The following LAMA2 variants were observed in gnomAD, a reference collection of about 807,000 sequenced individuals.
LAMA2 encodes laminin subunit alpha-2.
Under a neutral mutation model 364.8 loss-of-function variants are expected in LAMA2, and 269 were observed. That is an observed-to-expected ratio of 0.74 (90% CI 0.67 to 0.82). The LOEUF (loss-of-function observed/expected upper bound fraction) is 0.82, where lower values mean the gene tolerates loss of function less well. Ranked by LOEUF, LAMA2 falls within the 40% of genes least tolerant of loss-of-function variation. The pLI, the probability that LAMA2 is intolerant of heterozygous loss-of-function variation, is 0.00. For synonymous variants in LAMA2, 1,379 were observed against 1,370.6 expected, an observed-to-expected ratio of 1.01 and a Z score of -0.14; for missense variants, 3,807 against 3,873.2, an observed-to-expected ratio of 0.98 and a Z score of 0.45.
At chr6:129,510,460 AC>A (rs1276500348) in intron 62 of LAMA2, among the ~76,000 whole-genome samples, 1 of 152,206 alleles carries the variant, frequency 6.6e-6, no homozygotes, top group African/African-American at 2.4e-5. Flanking sequence ...CAATTAATGT[AC>A]TTTAAGATAG....
rs143680577 is a variant in LAMA2 at position 129,098,213 on chromosome 6, C to A, written c.437C>A (p.Ser146Tyr). Reference protein sequence around the residue: ...IAYVIVKAANSPRPGNWILER... With the variant: ...IAYVIVKAANYPRPGNWILER... ...TATGTGATTGTGAAGGCAGCTAACTCCCCCCGGCCTGGAAACTGGATTTTG... is the reference window on the plus strand; with the variant it reads ...TATGTGATTGTGAAGGCAGCTAACTACCCCCGGCCTGGAAACTGGATTTTG... Residue 146 changes from serine (S) to tyrosine (Y), a missense_variant, in exon 4 of 65, where the codon TCC becomes TAC. By Grantham distance (144) the Ser-to-Tyr change is moderately radical. This residue lies in a region of LAMA2 where 394 missense variants were observed against 403.5 expected (regional missense o/e 0.98). Coordinates refer to ENST00000421865, the MANE Select transcript of LAMA2 (RefSeq NM_000426.4). 8.1e-6 allele frequency: 13 copies of A among 1,613,612 alleles called. No homozygotes were observed. Among genetic ancestry groups the A allele is most frequent in the East Asian group, 2.2e-5 (1 of 44,880 alleles).
intron 9 of LAMA2, among the ~76,000 whole-genome samples, chr6:129,173,625 A>T (rs1272662092): frequency 6.6e-6 from 1 of 152,202 alleles, no homozygotes; most frequent in African/African-American, 2.4e-5. Context: ...CAAGATTGTA[A>T]TACTGTAATT....
At chr6:128,884,045 A>T (rs977873492) in intron 1 of LAMA2, among the ~76,000 whole-genome samples, 2 of 152,070 alleles carry the variant, frequency 1.3e-5, no homozygotes, top group African/African-American at 2.4e-5. Context: ...CTTCTATGTC[A>T]TGTGTACTTT....
intron 1 of LAMA2, among the ~76,000 whole-genome samples, chr6:128,979,542 G>A (rs1782738669): frequency 6.6e-6 from 1 of 152,320 alleles, no homozygotes; most frequent in South Asian, 2.1e-4. Context: ...GAGGAAAGGA[G>A]TGCTAAGAAA....
intron 12 of LAMA2, among the ~76,000 whole-genome samples, chr6:129,204,515 C>T (rs1025950165): frequency 6.6e-6 from 1 of 151,668 alleles, no homozygotes; most frequent in Non-Finnish European, 1.5e-5. Context: ...ATAAACACAC[C>T]GACAGGGTAA....
chr6:129,097,747 T>C (rs1775273180), intron 3 of LAMA2, among the ~76,000 whole-genome samples: 1 of 152,234 alleles, frequency 6.6e-6, no homozygotes, highest in Admixed American at 6.5e-5. Flanking sequence ...TTGAGGATTA[T>C]GTGATATAAG....
intron 1 of LAMA2, among the ~76,000 whole-genome samples, chr6:128,994,111 A>T (rs574484950): frequency 2.9e-4 from 44 of 152,340 alleles, no homozygotes; most frequent in African/African-American, 1.0e-3. Flanking sequence ...CTGAAAATTG[A>T]TGGTCTAAAT....
chr6:128,925,745 C>T (rs931915128), intron 1 of LAMA2, among the ~76,000 whole-genome samples: 1 of 152,162 alleles, frequency 6.6e-6, no homozygotes, highest in Non-Finnish European at 1.5e-5. Flanking sequence ...AAACCAATGT[C>T]TTTATTCTTT....
chr6:128,931,003 G>A (rs1233349236), intron 1 of LAMA2, among the ~76,000 whole-genome samples: 2 of 152,036 alleles, frequency 1.3e-5, no homozygotes, highest in African/African-American at 4.8e-5. Context: ...TCAAATGCCA[G>A]TATCTCTATG....
At chr6:129,340,698 G>A (rs975016092) in intron 29 of LAMA2, among the ~76,000 whole-genome samples, 26 of 151,658 alleles carry the variant, frequency 1.7e-4, no homozygotes, top group Admixed American at 7.2e-4. Flanking sequence ...TTAGCCTGGC[G>A]TGGTGGTATG....
chr6:129,170,674 T>C (rs537747452), intron 9 of LAMA2, among the ~76,000 whole-genome samples: 23 of 152,192 alleles, frequency 1.5e-4, no homozygotes, highest in Admixed American at 1.0e-3. Context: ...AGATGTTTAT[T>C]AGGTCCGCTT....
intron 32 of LAMA2, among the ~76,000 whole-genome samples, chr6:129,363,581 C>T (rs1777590333): frequency 6.6e-6 from 1 of 152,208 alleles, no homozygotes; most frequent in South Asian, 2.1e-4. Flanking sequence ...GGTGCCAAAA[C>T]TGTTGGTCTG....
intron 10 of LAMA2, among the ~76,000 whole-genome samples, chr6:129,183,241 C>T (rs151125667): frequency 3.0e-3 from 455 of 151,932 alleles, no homozygotes; most frequent in Middle Eastern, 0.017. Flanking sequence ...ATTTCAAGTA[C>T]CATATGCTAG....
chr6:129,360,706 C>T (rs1320156293), intron 32 of LAMA2, among the ~76,000 whole-genome samples: 7 of 152,174 alleles, frequency 4.6e-5, no homozygotes. Context: ...TGTATGAGCC[C>T]TTGAAAGAGC....
intron 16 of LAMA2, among the ~76,000 whole-genome samples, chr6:129,269,740 A>C (rs1031015999): frequency 6.6e-6 from 1 of 152,144 alleles, no homozygotes; most frequent in Admixed American, 6.6e-5. Flanking sequence ...AAACTTAAAA[A>C]TTGAAAGGAA....
chr6:129,504,272 C>A (rs1241009487), intron 60 of LAMA2, among the ~76,000 whole-genome samples: 1 of 152,172 alleles, frequency 6.6e-6, no homozygotes, highest in African/African-American at 2.4e-5. Context: ...ATTAAGAGTT[C>A]TTCCATCTCT....
At chr6:129,281,348 G>A (rs1203621548) in intron 18 of LAMA2, among the ~76,000 whole-genome samples, 2 of 152,052 alleles carry the variant, frequency 1.3e-5, no homozygotes, top group African/African-American at 2.4e-5. Flanking sequence ...CCTTTTTTTA[G>A]CAACTGGAAA....
At chr6:129,292,072 C>T (rs574593061) in intron 20 of LAMA2, among the ~76,000 whole-genome samples, 12 of 152,256 alleles carry the variant, frequency 7.9e-5, no homozygotes, top group East Asian at 3.9e-4. Flanking sequence ...TGGGGCTGGG[C>T]GCGGTGGCTC....
chr6:128,927,074 A>G (rs1030418067), intron 1 of LAMA2, among the ~76,000 whole-genome samples: 3 of 152,196 alleles, frequency 2.0e-5, no homozygotes, highest in Admixed American at 6.5e-5. Flanking sequence ...AGGACTGAGA[A>G]TGATCGATGG....
Sources: gnomAD v4.1 joint callset for allele counts (sites outside exome capture counted in the v4.1 genomes callset) on GRCh38, gnomAD v4.1.1 for gene constraint, gnomAD v4.1.1 regional missense constraint, MANE v1.5 for transcripts, NCBI Gene and HGNC (gene_info 2026-07-23, HGNC 2026-07-21) for gene names.